The following DOCK4 variants were observed in gnomAD, a reference collection of about 807,000 sequenced individuals.
DOCK4 encodes the protein dedicator of cytokinesis 4, also known as dedicator of cytokinesis protein 4.
Under a neutral mutation model 268.1 loss-of-function variants are expected in DOCK4, and 97 were observed. The ratio of observed to expected loss-of-function variants is 0.36; its 90% CI spans 0.31 to 0.43. The LOEUF is 0.43. Among genes scored for constraint, DOCK4 ranks in the 20% least tolerant of loss-of-function variants. The pLI is 1.00. For missense variants in DOCK4, 2,145 were observed against 2,455.7 expected (o/e 0.87, Z 2.67); for synonymous variants, 954 against 887.2 (o/e 1.08, Z -1.34).
chr7:112,034,176 T>C (rs1402114906), intron 1 of DOCK4, among the ~76,000 whole-genome samples: 1 of 152,224 alleles, frequency 6.6e-6, no homozygotes, highest in Non-Finnish European at 1.5e-5. Context: ...AGTTTTACAA[T>C]GAACCAGGTA....
At chr7:112,143,174 TCTC>T (rs961882825) in intron 1 of DOCK4, among the ~76,000 whole-genome samples, 138 of 151,784 alleles carry the variant, frequency 9.1e-4, no homozygotes, top group African/African-American at 2.9e-3. Context: ...GAAAAGAACA[TCTC>T]CTCTGGGCCA....
At chr7:112,138,375 T>C (rs182839417) in intron 1 of DOCK4, among the ~76,000 whole-genome samples, 29 of 152,310 alleles carry the variant, frequency 1.9e-4, no homozygotes, top group African/African-American at 7.0e-4. Context: ...ATACATATGG[T>C]ATGGGAGGAC....
chr7:111,749,927 G>C (rs1370027828), intron 42 of DOCK4, among the ~76,000 whole-genome samples: 2 of 152,296 alleles, frequency 1.3e-5, no homozygotes, highest in African/African-American at 4.8e-5. Context: ...ATGAATCAGT[G>C]GTTACAGTGG....
chr7:112,019,314 C>A (rs1802119297), intron 1 of DOCK4, among the ~76,000 whole-genome samples: 10 of 152,116 alleles, frequency 6.6e-5, no homozygotes, highest in Admixed American at 6.6e-4. Flanking sequence ...GGTGTACCTG[C>A]ATGAAAGTAC....
intron 7 of DOCK4, among the ~76,000 whole-genome samples, chr7:111,978,165 G>A (rs780362275): frequency 1.3e-5 from 2 of 152,186 alleles, no homozygotes; most frequent in Non-Finnish European, 2.9e-5. Context: ...AAGCAGACAT[G>A]AACAAAATTG....
chr7:111,814,785 C>T (rs1801415609), intron 27 of DOCK4, among the ~76,000 whole-genome samples: 1 of 152,174 alleles, frequency 6.6e-6, no homozygotes, highest in South Asian at 2.1e-4. Context: ...ATCAGGGCTG[C>T]CTTACCATTA....
At chr7:111,816,564 G>A (rs940903800) in intron 27 of DOCK4, among the ~76,000 whole-genome samples, 1 of 152,212 alleles carries the variant, frequency 6.6e-6, no homozygotes, top group African/African-American at 2.4e-5. Context: ...TCTGATGCAT[G>A]TGGTCATCCT....
chr7:111,924,288 T>C (rs757191038), intron 12 of DOCK4, among the ~76,000 whole-genome samples: 2 of 152,130 alleles, frequency 1.3e-5, no homozygotes, highest in East Asian at 1.9e-4. Context: ...AGGGATCCCA[T>C]GCATCATAGG....
chr7:111,843,869 AT>A (rs1442480661), intron 25 of DOCK4, among the ~76,000 whole-genome samples: 1 of 152,220 alleles, frequency 6.6e-6, no homozygotes, highest in East Asian at 1.9e-4. Context: ...TCAAAATCAT[AT>A]GAGGTTACCT....
intron 1 of DOCK4, among the ~76,000 whole-genome samples, chr7:112,199,226 A>T (rs1189097913): frequency 2.0e-5 from 3 of 152,212 alleles, no homozygotes; most frequent in Non-Finnish European, 4.4e-5. Flanking sequence ...TGATAACTGA[A>T]TCCTCCTTCA....
intron 1 of DOCK4, among the ~76,000 whole-genome samples, chr7:112,037,267 A>G (rs1563019159): frequency 6.6e-6 from 1 of 152,238 alleles, no homozygotes; most frequent in Non-Finnish European, 1.5e-5. Context: ...GATGTTCAGT[A>G]AGTTAGGTGT....
In DOCK4 at chr7:111,811,002, AAAAACAAAAC is replaced by A. The variant is rs200093545; in HGVS notation, c.3006+862_3006+871del. On this transcript the variant is annotated intron_variant, in intron 28 of 52. Transcript: ENST00000428084. ...GGGCAACAGAGCAGGACTCTGTCTCAAAAACAAAACAAAACAAAACAAAACCAGAAACAAA... is the reference window on the plus strand; with the variant it reads ...GGGCAACAGAGCAGGACTCTGTCTCAAAAACAAAACAAAACCAGAAACAAA... Among the ~76,000 whole-genome samples, 8 of 152,146 alleles carry A rather than the reference AAAAACAAAAC, an allele frequency of 5.3e-5. 1 individual carries two copies. Among genetic ancestry groups the A allele is most frequent in the Admixed American group, 2.6e-4 (4 of 15,274 alleles).
At chr7:111,994,012 A>G (rs566714) in intron 5 of DOCK4, 123 bp downstream of exon 5, 235,825 of 541,204 alleles carry the variant, frequency 0.44, 52,735 homozygotes, top group African/African-American at 0.51. Flanking sequence ...GTTAATATCT[A>G]TATCCCCAAG....
At chr7:112,189,751 T>TG (rs1554475280) in intron 1 of DOCK4, among the ~76,000 whole-genome samples, 2 of 135,132 alleles carry the variant, frequency 1.5e-5, no homozygotes, top group Non-Finnish European at 3.1e-5. Context: ...GTTTTGTTTT[T>TG]TTTTTTTTTT....
chr7:111,773,089 G>C (rs1798226202), intron 36 of DOCK4, among the ~76,000 whole-genome samples: 1 of 152,156 alleles, frequency 6.6e-6, no homozygotes, highest in Non-Finnish European at 1.5e-5. Flanking sequence ...GTCTAGAGGA[G>C]GCAGTAGTAA....
At chr7:111,939,432 G>A (rs1007230523) in intron 11 of DOCK4, among the ~76,000 whole-genome samples, 22 of 150,110 alleles carry the variant, frequency 1.5e-4, no homozygotes, top group Middle Eastern at 3.4e-3. Context: ...GGAGAATGGC[G>A]TGAACCCGGG....
chr7:111,834,518 A>T (rs1217299077), intron 26 of DOCK4, 70 bp downstream of exon 26: 9 of 1,178,928 alleles, frequency 7.6e-6, no homozygotes, highest in Non-Finnish European at 1.1e-5. Context: ...GATTTATCTC[A>T]ACAGTGATGA....
At chr7:112,142,965 C>T (rs1238241627) in intron 1 of DOCK4, among the ~76,000 whole-genome samples, 6 of 151,944 alleles carry the variant, frequency 3.9e-5, no homozygotes, top group Admixed American at 6.6e-5. Context: ...GAACTTTGTA[C>T]ATGTGTCTTT....
chr7:111,987,946 T>C (rs941281308), intron 6 of DOCK4, among the ~76,000 whole-genome samples: 3 of 152,188 alleles, frequency 2.0e-5, no homozygotes, highest in Non-Finnish European at 4.4e-5. Flanking sequence ...CTGAGTGAGA[T>C]GGAGGTTTAA....
Sources: allele counts gnomAD v4.1 joint callset (sites outside exome capture counted in the v4.1 genomes callset), GRCh38; gene constraint gnomAD v4.1.1; transcripts MANE v1.5; gene names NCBI Gene and HGNC (gene_info 2026-07-23, HGNC 2026-07-21).